CLVS1: variants seen among roughly 807,000 people sequenced by gnomAD.
CLVS1 encodes clavesin-1.
A neutral mutation model predicts 33.1 loss-of-function variants in CLVS1; 10 were observed. That is an observed-to-expected ratio of 0.30 (90% CI 0.19 to 0.51). CLVS1 has a LOEUF of 0.51. CLVS1 is among the 20% of genes least tolerant of loss of function. The pLI, the probability that CLVS1 is intolerant of heterozygous loss-of-function variation, is 0.97. For missense variants in CLVS1, 343 were observed against 433.4 expected (o/e 0.79, Z 1.85); for synonymous variants, 163 against 166.1 (o/e 0.98, Z 0.14).
At chr8:60,989,897 G>A in the CLVS1 span, among the ~76,000 whole-genome samples, 7 of 151,820 alleles carry the variant, frequency 4.6e-5, no homozygotes, top group Non-Finnish European at 7.4e-5. Context: ...AGGCCGAGGC[G>A]GGCGGATCAT....
rs1032937250 is a variant in CLVS1 at position 61,490,258 on chromosome 8, G to A, written c.978-9197G>A. Among the ~76,000 whole-genome samples the A allele has an allele frequency of 4.0e-5, 6 of 151,604 alleles. No homozygotes were observed. The East Asian group carries it at 1.2e-3, about 29-fold the overall frequency. On this transcript the variant is annotated intron_variant, in intron 5 of 5. Coordinates refer to ENST00000325897, the MANE Select transcript of CLVS1 (RefSeq NM_173519.3). Reference sequence around the variant, plus strand: ...TGATGCTTTGAACCTGAGAGGCAGAGGTTGCAGTGAGCCAAGATTGCGCCA... The same window carrying A: ...TGATGCTTTGAACCTGAGAGGCAGAAGTTGCAGTGAGCCAAGATTGCGCCA...
chr8:61,355,808 T>C (rs1275396183), intron 2 of CLVS1, among the ~76,000 whole-genome samples: 1 of 152,228 alleles, frequency 6.6e-6, no homozygotes, highest in Non-Finnish European at 1.5e-5. Flanking sequence ...TAATCCAGTC[T>C]ATCATTGTTG....
At chr8:61,052,630 C>T (rs1804404133), upstream of CLVS1, among the ~76,000 whole-genome samples, 1 of 152,164 alleles carries the variant, frequency 6.6e-6, no homozygotes, top group Non-Finnish European at 1.5e-5. Flanking sequence ...AGCAAGAGGG[C>T]TGACCAGGAA....
the CLVS1 span, among the ~76,000 whole-genome samples, chr8:60,968,810 G>C: frequency 6.6e-6 from 1 of 151,632 alleles, no homozygotes; most frequent in Non-Finnish European, 1.5e-5. Flanking sequence ...AATCACTTGA[G>C]CCTGGCAGGT....
At chr8:61,296,045 C>A (rs146969311) in intron 1 of CLVS1, among the ~76,000 whole-genome samples, 1 of 152,106 alleles carries the variant, frequency 6.6e-6, no homozygotes, top group Non-Finnish European at 1.5e-5. Context: ...TTTATGTGAA[C>A]AAAAGATTAT....
the CLVS1 span, among the ~76,000 whole-genome samples, chr8:61,024,702 CAGG>C: frequency 6.6e-6 from 1 of 152,088 alleles, no homozygotes; most frequent in East Asian, 1.9e-4. Context: ...TTTGCTTTCC[CAGG>C]AGGACTGTGG....
intron 1 of CLVS1, among the ~76,000 whole-genome samples, chr8:61,107,668 C>T (rs1235459805): frequency 6.6e-6 from 1 of 152,238 alleles, no homozygotes; most frequent in Non-Finnish European, 1.5e-5. Flanking sequence ...GAGATGGCAG[C>T]TGGTTCTCCG....
At chr8:61,308,813 G>A (rs753980954) in intron 2 of CLVS1, among the ~76,000 whole-genome samples, 6 of 152,142 alleles carry the variant, frequency 3.9e-5, no homozygotes, top group Non-Finnish European at 5.9e-5. Context: ...TTGTACATGG[G>A]TACTATGTAA....
chr8:61,446,027 G>A (rs1007354811), intron 3 of CLVS1, among the ~76,000 whole-genome samples: 6 of 151,932 alleles, frequency 3.9e-5, no homozygotes, highest in African/African-American at 1.5e-4. Flanking sequence ...TCCTAATGTT[G>A]GTAATTTGTG....
At chr8:61,036,598 C>T in the CLVS1 span, among the ~76,000 whole-genome samples, 40 of 152,332 alleles carry the variant, frequency 2.6e-4, 1 homozygote, top group South Asian at 8.1e-3. Flanking sequence ...TTCCCTCTCC[C>T]TCCTTCCTTC....
intron 5 of CLVS1, among the ~76,000 whole-genome samples, chr8:61,491,726 T>C (rs1211450273): frequency 6.6e-6 from 1 of 152,174 alleles, no homozygotes; most frequent in East Asian, 1.9e-4. Context: ...GGAGAAATAA[T>C]ATTTTGGCTA....
chr8:61,333,658 C>T (rs1279578789), intron 2 of CLVS1, among the ~76,000 whole-genome samples: 3 of 152,168 alleles, frequency 2.0e-5, no homozygotes, highest in African/African-American at 7.2e-5. Context: ...ACTCTGGGAA[C>T]ACAAGATCTG....
chr8:61,358,717 A>G (rs973339665), intron 2 of CLVS1, among the ~76,000 whole-genome samples: 2 of 152,224 alleles, frequency 1.3e-5, no homozygotes, highest in African/African-American at 2.4e-5. Flanking sequence ...ACAGAGTATT[A>G]GAGAAAGAGC....
intron 2 of CLVS1, among the ~76,000 whole-genome samples, chr8:61,258,296 A>G (rs1185508538): frequency 1.3e-5 from 2 of 152,252 alleles, no homozygotes; most frequent in Non-Finnish European, 1.5e-5. Flanking sequence ...AATAGCATTC[A>G]GCAAGAAAGC....
intron 3 of CLVS1, among the ~76,000 whole-genome samples, chr8:61,430,188 C>A (rs1469279087): frequency 6.6e-6 from 1 of 152,158 alleles, no homozygotes; most frequent in Non-Finnish European, 1.5e-5. Context: ...AAGACTGTTG[C>A]AAAGTCTATA....
intron 2 of CLVS1, among the ~76,000 whole-genome samples, chr8:61,166,987 AATTT>A (rs1388911345): frequency 1.3e-5 from 2 of 148,302 alleles, no homozygotes; most frequent in African/African-American, 5.0e-5. Context: ...TAAATTTATT[AATTT>A]ATTTTAATTT....
chr8:61,097,086 C>T (rs745690070), intron 1 of CLVS1, among the ~76,000 whole-genome samples: 3 of 151,976 alleles, frequency 2.0e-5, no homozygotes, highest in Non-Finnish European at 2.9e-5. Flanking sequence ...ATAGGCTGGG[C>T]GTGGTGGCTC....
intron 2 of CLVS1, among the ~76,000 whole-genome samples, chr8:61,164,011 C>T (rs995945889): frequency 6.6e-6 from 1 of 152,200 alleles, no homozygotes; most frequent in Non-Finnish European, 1.5e-5. Flanking sequence ...GTTGCCCACT[C>T]CCGGCTCGAA....
chr8:61,345,702 A>C (rs1352776641), intron 2 of CLVS1, among the ~76,000 whole-genome samples: 1 of 150,074 alleles, frequency 6.7e-6, no homozygotes, highest in Non-Finnish European at 1.5e-5. Context: ...GCTATTACTC[A>C]GTTGTTTTAG....
Sources: gnomAD v4.1 joint callset for allele counts (sites outside exome capture counted in the v4.1 genomes callset) on GRCh38, gnomAD v4.1.1 for gene constraint, MANE v1.5 for transcripts, NCBI Gene and HGNC (gene_info 2026-07-23, HGNC 2026-07-21) for gene names.